USP10: variants seen among roughly 807,000 people sequenced by gnomAD.
The protein encoded by USP10 is ubiquitin specific peptidase 10.
A neutral mutation model predicts 84.5 loss-of-function variants in USP10; 22 were observed. That is an observed-to-expected ratio of 0.26 (90% CI 0.19 to 0.37). The LOEUF (loss-of-function observed/expected upper bound fraction) is 0.37. Among genes scored for constraint, USP10 ranks in the 10% least tolerant of loss-of-function variants. USP10 has a pLI of 1.00. For synonymous variants in USP10, 454 were observed against 387.6 expected (o/e 1.17, Z -2.01); for missense variants, 1,019 against 998.9 (o/e 1.02, Z -0.27).
intron 13 of USP10, among the ~76,000 whole-genome samples, chr16:84,776,015 G>A (rs1199856799): frequency 1.3e-5 from 2 of 152,098 alleles, no homozygotes; most frequent in African/African-American, 4.8e-5. Context: ...GTGGCCTTTG[G>A]TGAACCTGTT....
chr16:84,754,747 G>C (rs1912326041), intron 4 of USP10, among the ~76,000 whole-genome samples: 1 of 152,192 alleles, frequency 6.6e-6, no homozygotes, highest in African/African-American at 2.4e-5. Flanking sequence ...TGGGAAAAAA[G>C]TCGGTTTATA....
chr16:84,759,291 T>G, intron 5 of USP10, 72 bp from the exon 6 acceptor site: 2 of 1,376,652 alleles, frequency 1.5e-6, no homozygotes, highest in South Asian at 2.4e-5. Context: ...AACATTCTTG[T>G]GCTTCATGTG....
At chr16:84,743,917 T>G (rs572843301) in intron 3 of USP10, among the ~76,000 whole-genome samples, 4 of 152,190 alleles carry the variant, frequency 2.6e-5, no homozygotes, top group Non-Finnish European at 4.4e-5. Flanking sequence ...GTGAATTTAT[T>G]TAGAGGACGT....
At chr16:84,739,030 C>G (rs961894620) in intron 2 of USP10, among the ~76,000 whole-genome samples, 1 of 151,866 alleles carries the variant, frequency 6.6e-6, no homozygotes, top group African/African-American at 2.4e-5. Flanking sequence ...CAGTTTATCT[C>G]TCTGCTTACC....
At chr16:84,722,895 AT>A (rs1351381402) in intron 1 of USP10, among the ~76,000 whole-genome samples, 1 of 152,218 alleles carries the variant, frequency 6.6e-6, no homozygotes, top group East Asian at 1.9e-4. Context: ...TTAAATGATA[AT>A]TTTTTGTCCC....
intron 4 of USP10, among the ~76,000 whole-genome samples, chr16:84,750,210 C>G (rs946132469): frequency 5.3e-5 from 8 of 151,996 alleles, no homozygotes; most frequent in African/African-American, 1.7e-4. Context: ...GAGTTCAAGA[C>G]CAGCCTGGCC....
Position 84,700,128 on chromosome 16 carries a change from G to C in USP10, c.21+17G>C, listed in dbSNP as rs765566148. On this transcript the variant is annotated intron_variant, in intron 1 of 13. Coordinates refer to ENST00000219473, the MANE Select transcript of USP10 (RefSeq NM_005153.3). ...AGCCCGCAGGTAGCCGCCGGTCTGC[G>C]CCTTCGGCCGGAAGGGGCCCGAGCC... 5.0e-5 allele frequency: 67 copies of C among 1,337,914 alleles called. No homozygotes were observed. Among genetic ancestry groups the C allele is most frequent in the Admixed American group, 1.3e-4 (5 of 37,646 alleles). The allele number at this position is 1,337,914 out of a possible 1,614,324, so 82.9% of individuals were successfully genotyped here.
intron 2 of USP10, among the ~76,000 whole-genome samples, chr16:84,736,827 C>T (rs538613698): frequency 2.6e-5 from 4 of 152,290 alleles, no homozygotes; most frequent in East Asian, 1.9e-4. Context: ...CTCGCTCTCT[C>T]GCCCAGGCTG....
intron 1 of USP10, among the ~76,000 whole-genome samples, chr16:84,729,642 C>G (rs1193568208): frequency 6.6e-6 from 1 of 152,194 alleles, no homozygotes; most frequent in East Asian, 1.9e-4. Context: ...TAGCCCGTTC[C>G]TTTATTTCAG....
chr16:84,760,203 C>T lies in USP10; in HGVS notation c.1482C>T (p.Arg494=). The change falls in exon 8 of 14, where the codon CGC becomes CGT. Residue 494 remains arginine, a synonymous_variant. Transcript: ENST00000219473. Reference sequence around the variant, plus strand: ...GAGATAAAATCGTGAGGGATATTCGCCCTGGAGCTGCCTTTGAGCCCACAT... The same window carrying T: ...GAGATAAAATCGTGAGGGATATTCGTCCTGGAGCTGCCTTTGAGCCCACAT... The part of the protein sequence containing the change: ...ALGDKIVRDI[R]PGAAFEPTYI... 6.2e-7 allele frequency: 1 copy of T among 1,610,554 alleles called. No individual in the cohort carries two copies. The highest frequency in any genetic ancestry group is 8.5e-7 in the Non-Finnish European group (1 of 1,178,264).
At chr16:84,748,369 T>G (rs958623082) in intron 4 of USP10, among the ~76,000 whole-genome samples, 1 of 151,930 alleles carries the variant, frequency 6.6e-6, no homozygotes, top group Non-Finnish European at 1.5e-5. Context: ...AGTGGCGCAA[T>G]CTCGGCTCAC....
At chr16:84,750,780 C>T (rs1206745190) in intron 4 of USP10, among the ~76,000 whole-genome samples, 2 of 152,060 alleles carry the variant, frequency 1.3e-5, no homozygotes, top group Non-Finnish European at 2.9e-5. Flanking sequence ...GGCCAACTGC[C>T]CGATAAGTTA....
chr16:84,700,451 G>A (rs551665372), intron 1 of USP10, among the ~76,000 whole-genome samples: 1 of 152,000 alleles, frequency 6.6e-6, no homozygotes, highest in Non-Finnish European at 1.5e-5. Flanking sequence ...TCCCCGCCGC[G>A]CCGGCCGGGG....
chr16:84,754,819 A>G (rs16974560), intron 4 of USP10, among the ~76,000 whole-genome samples: 29,973 of 152,086 alleles, frequency 0.2, 3,590 homozygotes, highest in East Asian at 0.38. Flanking sequence ...GGCCATGCAG[A>G]TTATTCTGGG....
In USP10 at chr16:84,758,799, A is replaced by G. The variant is rs760556431; in HGVS notation, c.1276A>G (p.Ile426Val). 25 of 1,612,694 alleles carry G rather than the reference A, an allele frequency of 1.6e-5. No individual in the cohort carries two copies. The highest frequency in any genetic ancestry group is 2.0e-5 in the Non-Finnish European group (24 of 1,178,782). ...GATCAATAAAGGGAACTGGTGCTAC[A>G]TTAATGCTGTATCCTTCCTGGACGC... Reference protein sequence around the residue: ...GLINKGNWCYINATLQALVAC... With the variant: ...GLINKGNWCYVNATLQALVAC... Residue 426 changes from isoleucine to valine, a missense_variant, in exon 5 of 14, where the codon ATT (isoleucine) becomes GTT (valine). This residue lies in a region of USP10 where 787 missense variants were observed against 708.8 expected (regional missense o/e 1.11). Coordinates refer to ENST00000219473, the MANE Select transcript of USP10 (RefSeq NM_005153.3).
chr16:84,764,320 G>A (rs999453224), intron 10 of USP10, 57 bp downstream of exon 10: 3 of 1,608,346 alleles, frequency 1.9e-6, no homozygotes, highest in Non-Finnish European at 2.6e-6. Context: ...TTGCCATGTT[G>A]GTGAAGGGGG....
chr16:84,700,455 G>T (rs1478147798), intron 1 of USP10, among the ~76,000 whole-genome samples: 1 of 151,954 alleles, frequency 6.6e-6, no homozygotes, highest in Non-Finnish European at 1.5e-5. Context: ...CGCCGCGCCG[G>T]CCGGGGGAGG....
At chr16:84,713,029 C>G (rs190997912) in intron 1 of USP10, among the ~76,000 whole-genome samples, 2 of 152,316 alleles carry the variant, frequency 1.3e-5, no homozygotes, top group East Asian at 3.9e-4. Context: ...GCAGCTGTCC[C>G]CCAAATGCAA....
chr16:84,756,369 G>A (rs962604157), intron 4 of USP10, among the ~76,000 whole-genome samples: 3 of 152,208 alleles, frequency 2.0e-5, no homozygotes, highest in Admixed American at 6.5e-5. Flanking sequence ...AAGGCAGGTG[G>A]ATCACTTGAA....
Sources: allele counts gnomAD v4.1 joint callset (sites outside exome capture counted in the v4.1 genomes callset), GRCh38; gene constraint gnomAD v4.1.1; regional missense constraint gnomAD v4.1.1; transcripts MANE v1.5; gene names NCBI Gene and HGNC (gene_info 2026-07-23, HGNC 2026-07-21).